The following ANKRD36C variants were observed in gnomAD, a reference collection of about 807,000 sequenced individuals.
ANKRD36C encodes ankyrin repeat domain 36C.
Under a neutral mutation model 276.4 loss-of-function variants are expected in ANKRD36C, and 61 were observed. The observed-to-expected ratio is 0.22, with a 90% CI of 0.18 to 0.27. The LOEUF is 0.27. Among genes scored for constraint, ANKRD36C ranks in the 10% least tolerant of loss-of-function variants. ANKRD36C has a pLI of 1.00. For synonymous variants in ANKRD36C, 483 were observed against 680.1 expected (o/e 0.71, Z 4.51); for missense variants, 1,447 against 2,032.3 (o/e 0.71, Z 5.54).
chr2:95,915,011 A>T (rs1677051151), intron 38 of ANKRD36C, among the ~76,000 whole-genome samples: 1 of 151,588 alleles, frequency 6.6e-6, no homozygotes, highest in Admixed American at 6.6e-5. Context: ...ATCCATTATC[A>T]ATTTTGACAT....
At chr2:95,977,143 C>T (rs1260940544) in intron 6 of ANKRD36C, among the ~76,000 whole-genome samples, 1 of 152,096 alleles carries the variant, frequency 6.6e-6, no homozygotes, top group African/African-American at 2.4e-5. Context: ...AGCTGTACTT[C>T]TCCAGTCAGT....
intron 3 of ANKRD36C, among the ~76,000 whole-genome samples, chr2:95,982,814 T>C (rs1428960249): frequency 4.1e-5 from 5 of 120,732 alleles, no homozygotes; most frequent in Admixed American, 2.7e-4. Flanking sequence ...ACTATTAATA[T>C]ATTCCAAAGG....
chr2:95,961,599 T>C (rs1678461347), intron 8 of ANKRD36C, among the ~76,000 whole-genome samples: 1 of 152,080 alleles, frequency 6.6e-6, no homozygotes, highest in South Asian at 2.1e-4. Context: ...GTTAGTTCCT[T>C]GAAAAACAAA....
intron 6 of ANKRD36C, among the ~76,000 whole-genome samples, chr2:95,963,988 T>TATATATAAAA (rs1558658702): frequency 5.1e-5 from 1 of 19,532 alleles, no homozygotes; most frequent in Non-Finnish European, 8.2e-5. Flanking sequence ...TATATATATA[T>TATATATAAAA]ATATATATAT....
At chr2:95,976,565 GT>G (rs1274576996) in intron 6 of ANKRD36C, among the ~76,000 whole-genome samples, 5 of 152,108 alleles carry the variant, frequency 3.3e-5, no homozygotes, top group African/African-American at 1.2e-4. Flanking sequence ...TTACCCTTAG[GT>G]TTTGACAATT....
At position 95,902,934 on chromosome 2, in the gene ANKRD36C, G is replaced by A. The variant is rs201540310; in HGVS notation, c.2654-3598C>T. 3.1e-6 allele frequency: 5 copies of A among 1,589,868 alleles called. No individual in the cohort carries two copies. In the Admixed American group the frequency reaches 5.1e-5, roughly 16 times the overall value. On this transcript the variant is annotated intron_variant, in intron 42 of 66. Transcript: ENST00000456556. Reference sequence around the variant, plus strand: ...TTTTTTCCTCTGGCTATATTCAAAAGAGAATCTTTCTCGTCTCTTGTAGCC... The same window carrying A: ...TTTTTTCCTCTGGCTATATTCAAAAAAGAATCTTTCTCGTCTCTTGTAGCC...
intron 1 of ANKRD36C, among the ~76,000 whole-genome samples, chr2:95,988,969 A>C (rs1679085197): frequency 6.6e-6 from 1 of 152,150 alleles, no homozygotes; most frequent in South Asian, 2.1e-4. Context: ...GGAGTTTGAG[A>C]CCAGCCTGGC....
chr2:95,885,891 A>AC (rs1676189801), intron 52 of ANKRD36C, among the ~76,000 whole-genome samples, 157 bp downstream of exon 72: 1 of 151,782 alleles, frequency 6.6e-6, no homozygotes, highest in Non-Finnish European at 1.5e-5. Context: ...AAGGACCAGC[A>AC]CCATCAGGGT....
chr2:95,907,575 T>A (rs1676780289), intron 42 of ANKRD36C: 1 of 146,050 alleles, frequency 6.8e-6, no homozygotes, highest in African/African-American at 2.6e-5. Context: ...AAGCATTAGA[T>A]ATTAATCAGT....
At chr2:95,891,014 G>A (rs1352163420) in intron 46 of ANKRD36C, among the ~76,000 whole-genome samples, 1 of 151,544 alleles carries the variant, frequency 6.6e-6, no homozygotes, top group South Asian at 2.1e-4. Flanking sequence ...AGAAAGAGGA[G>A]TAATGAGTCA....
At chr2:95,874,785 C>T (rs556434112) in intron 59 of ANKRD36C, among the ~76,000 whole-genome samples, 105 of 152,214 alleles carry the variant, frequency 6.9e-4, no homozygotes, top group African/African-American at 1.9e-3. Context: ...ACTCATCTGA[C>T]GAAGGACTAA....
At chr2:95,871,209 A>C (rs921257155) in intron 59 of ANKRD36C, among the ~76,000 whole-genome samples, 3 of 152,160 alleles carry the variant, frequency 2.0e-5, no homozygotes, top group African/African-American at 7.2e-5. Context: ...CAAGACACAT[A>C]ATTGTCAGAT....
chr2:95,987,170 C>A (rs1291691816), exon 2 of ANKRD36C: 4 of 1,548,940 alleles, frequency 2.6e-6, no homozygotes, highest in Middle Eastern at 1.7e-4. Context: ...GTACCATTTC[C>A]GGTTGGCCAG....
intron 32 of ANKRD36C, among the ~76,000 whole-genome samples, 186 bp from the exon 33 acceptor site, chr2:95,921,996 G>T (rs752482282): frequency 6.6e-6 from 1 of 151,568 alleles, no homozygotes; most frequent in Non-Finnish European, 1.5e-5. Context: ...GATGTGTCAC[G>T]ATATATTCCT....
At chr2:95,931,230 A>G (rs1370760333) in intron 24 of ANKRD36C, among the ~76,000 whole-genome samples, 1 of 151,628 alleles carries the variant, frequency 6.6e-6, no homozygotes, top group Non-Finnish European at 1.5e-5. Context: ...TAACATGTAC[A>G]AATTCCTTCT....
rs756431908 is a variant in ANKRD36C, at chr2:95,921,558, C to T, written c.2245+49G>A. The T allele has an allele frequency of 1.9e-6, 3 of 1,570,722 alleles. No homozygotes were observed. The South Asian group carries it at 3.5e-5, about 18-fold the overall frequency. ...CTGATTTATTCGGGGTAGAGAAGTT[C>T]TTTTCTATCTGGATTGAACATGACA... is the stretch of plus-strand genomic sequence containing the variant. On this transcript the variant is annotated intron_variant, in intron 34 of 66. Coordinates refer to ENST00000456556, the Ensembl canonical transcript of ANKRD36C.
Position 95,902,756 on chromosome 2 carries a change from G to T in ANKRD36C, c.2654-3420C>A, listed in dbSNP as rs1482323543. ...ATCATCATCACCCACAAACTTATTT[G>T]AAATGAAGAATCTCAGGACTGCTGA... On this transcript the variant is annotated intron_variant, in intron 42 of 66. Transcript: ENST00000456556. 9.9e-6 allele frequency: 12 copies of T among 1,209,410 alleles called. No homozygotes were observed. In the South Asian group the frequency reaches 1.6e-4, roughly 16 times the overall value. The allele number at this position is 1,209,410 out of a possible 1,614,324, so 74.9% of individuals were successfully genotyped here.
chr2:95,966,801 G>A (rs1678601403), intron 6 of ANKRD36C, among the ~76,000 whole-genome samples: 1 of 152,154 alleles, frequency 6.6e-6, no homozygotes, highest in Admixed American at 6.6e-5. Flanking sequence ...CATGAGCATG[G>A]AGTGATTTTC....
At chr2:95,969,304 G>A (rs1678653672) in intron 6 of ANKRD36C, among the ~76,000 whole-genome samples, 1 of 152,118 alleles carries the variant, frequency 6.6e-6, no homozygotes, top group South Asian at 2.1e-4. Flanking sequence ...GAGGATTTTA[G>A]GAGTTGTATG....
Sources: gnomAD v4.1 joint callset for allele counts (sites outside exome capture counted in the v4.1 genomes callset) on GRCh38, gnomAD v4.1.1 for gene constraint, MANE v1.5 for transcripts, NCBI Gene and HGNC (gene_info 2026-07-23, HGNC 2026-07-21) for gene names.